The following PLEKHG4B variants were observed in gnomAD, a reference collection of about 807,000 sequenced individuals.
PLEKHG4B encodes pleckstrin homology and RhoGEF domain containing G4B.
In PLEKHG4B, 111 loss-of-function variants were observed where a neutral mutation model predicts 121.3. The ratio of observed to expected loss-of-function variants is 0.92; its 90% confidence interval spans 0.78 to 1.07. The LOEUF (loss-of-function observed/expected upper bound fraction) is 1.07. Ranked by LOEUF, PLEKHG4B falls within the 50% of genes least tolerant of loss-of-function variation. PLEKHG4B has a pLI of 0.00. For missense variants in PLEKHG4B, 1,831 were observed against 1,757.8 expected, an observed-to-expected ratio of 1.04 and a Z score of -0.74; for synonymous variants, 738 against 725.0, an observed-to-expected ratio of 1.02 and a Z score of -0.29.
At chr5:178,859 A>T (rs1047355548) in intron 18 of PLEKHG4B, among the ~76,000 whole-genome samples, 1 of 152,272 alleles carries the variant, frequency 6.6e-6, no homozygotes, top group African/African-American at 2.4e-5. Context: ...CAGTAGTTGC[A>T]TAGAACCTAC....
intron 1 of PLEKHG4B, among the ~76,000 whole-genome samples, chr5:104,456 C>A (rs1733916036): frequency 6.6e-6 from 1 of 152,168 alleles, no homozygotes; most frequent in African/African-American, 2.4e-5. Context: ...AAATACGGAT[C>A]CTTCAAGGAA....
In PLEKHG4B at chr5:137,995, A is replaced by T. The variant is rs1735034009; in HGVS notation, c.244-1488A>T. ...CTTGAACGGCTTGCTCACCGGTGTGAGGAACACGCGCAGACGTTTCTGAAA... is the reference window on the plus strand; with the variant it reads ...CTTGAACGGCTTGCTCACCGGTGTGTGGAACACGCGCAGACGTTTCTGAAA... On this transcript the variant is annotated intron_variant, in intron 2 of 19. Coordinates refer to ENST00000637938, the MANE Select transcript of PLEKHG4B (RefSeq NM_052909.5). The surrounding 1 kb of genome is among the most constrained non-coding windows in gnomAD (Gnocchi z 4.2). 6.6e-6 allele frequency among the ~76,000 whole-genome samples: 1 copy of T among 152,202 alleles called. No individual in the cohort carries two copies.
At chr5:98,369 A>G (rs1273597262) in intron 1 of PLEKHG4B, among the ~76,000 whole-genome samples, 7 of 140,462 alleles carry the variant, frequency 5.0e-5, no homozygotes, top group African/African-American at 1.1e-4. Flanking sequence ...CCAGACCTCA[A>G]TTCTATACCC....
intron 3 of PLEKHG4B, among the ~76,000 whole-genome samples, chr5:141,314 T>C (rs950135344): frequency 3.8e-5 from 5 of 130,870 alleles, no homozygotes; most frequent in East Asian, 2.3e-4. Flanking sequence ...CATGTTCATA[T>C]TGGCGCTCAC....
rs750365057 is a variant in PLEKHG4B, at chr5:143,147, C to T, written c.1578C>T (p.Pro526=). The change falls in exon 4 of 20, where the codon CCC becomes CCT. Residue 526 remains proline (P), a synonymous_variant. Coordinates refer to ENST00000637938, the MANE Select transcript of PLEKHG4B (RefSeq NM_052909.5). The stretch of plus-strand genomic sequence containing the variant: ...ATGTGCCTGCCCGGCAGCCACACCC[C>T]GAGCAAGAAGGGTGGCCACCCGGCA... ...PSDVPARQPH[P]EQEGWPPGTG... 12 of 1,612,564 alleles carry T rather than the reference C, an allele frequency of 7.4e-6. No homozygotes were observed. Among genetic ancestry groups the T allele is most frequent in the Middle Eastern group, 1.6e-4 (1 of 6,062 alleles).
chr5:132,719 T>C (rs1734813971), intron 2 of PLEKHG4B, among the ~76,000 whole-genome samples: 1 of 152,170 alleles, frequency 6.6e-6, no homozygotes, highest in African/African-American at 2.4e-5. Flanking sequence ...TTGGGTGTAT[T>C]TCCGGGTTCT....
At position 143,391 on chromosome 5, in the gene PLEKHG4B, C is replaced by T. The variant is rs530280254; in HGVS notation, c.1699C>T (p.Arg567Cys). 1.1e-4 allele frequency: 179 copies of T among 1,612,570 alleles called. 2 individuals are homozygous for T. The South Asian group carries it at 1.7e-3, about 15-fold the overall frequency. The change falls in exon 5 of 20, where the codon CGT becomes TGT. Residue 567 changes from arginine (R) to cysteine (C), a missense_variant. By Grantham distance (180) the Arg-to-Cys change is radical (BLOSUM62 -3). Coordinates refer to ENST00000637938, the MANE Select transcript of PLEKHG4B (RefSeq NM_052909.5). Reference sequence around the variant, plus strand: ...CTCTGTCTCCGCAGGGACCCGAGACCGTCATGGCAGAGCAGTGGTGCAGGT... The same window carrying T: ...CTCTGTCTCCGCAGGGACCCGAGACTGTCATGGCAGAGCAGTGGTGCAGGT... ...GVVTLPGTRD[R>C]HGRAVVQVRT...
In PLEKHG4B at chr5:161,912, A is replaced by G; in HGVS notation, c.2617A>G (p.Arg873Gly). ...QAECREGELA[R>G]WTRSSELCET... ...TGAGTGCAGGGAGGGAGAGCTGGCC[A>G]GGTGGACCCGCTCGTCCGAGTTGTG... is the stretch of plus-strand genomic sequence containing the variant. The change falls in exon 12 of 20, where the codon AGG becomes GGG. Residue 873 changes from arginine (R) to glycine (G), a missense_variant. Physicochemically the swap from Arg to Gly is moderately radical, Grantham distance 125. Transcript: ENST00000637938. 1 of 1,613,140 alleles carries G rather than the reference A, an allele frequency of 6.2e-7. No homozygotes were observed. Among genetic ancestry groups the G allele is most frequent in the Non-Finnish European group, 8.5e-7 (1 of 1,179,838 alleles).
In PLEKHG4B at chr5:166,264, GGGCTC is replaced by G. The variant is rs1222199836; in HGVS notation, c.3476+2717_3476+2721del. ...CTCACACTAATGCTCTGACGGGGCG[GGGCTC>G]ACACTAATGCTCTGACGGGGCGGGG... On this transcript the variant is annotated intron_variant, in intron 13 of 19. Coordinates refer to ENST00000637938, the MANE Select transcript of PLEKHG4B (RefSeq NM_052909.5). 1.0e-3 allele frequency among the ~76,000 whole-genome samples: 55 copies of G among 53,550 alleles called. 4 individuals carry two copies. The highest frequency in any genetic ancestry group is 2.4e-3 in the South Asian group (2 of 834). 35.1% of individuals were successfully genotyped at this position (53,550 alleles called of 152,430 possible).
At position 156,812 on chromosome 5, in the gene PLEKHG4B, G is replaced by A. The variant is rs1297190402; in HGVS notation, c.2388G>A (p.Val796=). ...CCGCCACAAGCCTGTACGACCGAGT[G>A]GATGAGGAGGTGCACAGGCTGGTCC... ...LEAATSLYDR[V]DEEVHRLVLT... The change falls in exon 11 of 20, where the codon GTG becomes GTA. Residue 796 remains valine, a synonymous_variant. Transcript: ENST00000637938. This position sits in a 1 kb window ranked among gnomAD's most constrained non-coding sequence, Gnocchi z 4.4. 1.3e-6 allele frequency: 2 copies of A among 1,582,494 alleles called. No individual in the cohort carries two copies. The highest frequency in any genetic ancestry group is 1.8e-5 in the Admixed American group (1 of 55,472).
chr5:135,476 T>C (rs538132186), intron 2 of PLEKHG4B, among the ~76,000 whole-genome samples: 4 of 149,250 alleles, frequency 2.7e-5, no homozygotes, highest in South Asian at 2.1e-4. Flanking sequence ...CCATCCTGGC[T>C]AACACAGTGA....
chr5:96,636 G>A (rs1267789556), intron 1 of PLEKHG4B, among the ~76,000 whole-genome samples: 1 of 152,186 alleles, frequency 6.6e-6, no homozygotes, highest in Non-Finnish European at 1.5e-5. Flanking sequence ...TCAGTCTGTA[G>A]GACCACATTG....
chr5:181,307 G>C (rs1032813484), intron 18 of PLEKHG4B, among the ~76,000 whole-genome samples: 1 of 152,042 alleles, frequency 6.6e-6, no homozygotes, highest in Non-Finnish European at 1.5e-5. Context: ...TTACTGCCTC[G>C]GGCTCCCTGG....
chr5:162,414 G>A (rs1190373494), intron 12 of PLEKHG4B, among the ~76,000 whole-genome samples: 1 of 152,234 alleles, frequency 6.6e-6, no homozygotes, highest in African/African-American at 2.4e-5. Context: ...AGAGCCGTCT[G>A]CCCCGTCACG....
chr5:99,170 G>GTATATATATATA (rs534174768), intron 1 of PLEKHG4B, among the ~76,000 whole-genome samples: 21 of 100,490 alleles, frequency 2.1e-4, no homozygotes, highest in African/African-American at 5.5e-4. Flanking sequence ...AAAAAAAAGT[G>GTATATATATATA]TATATATATA....
intron 1 of PLEKHG4B, among the ~76,000 whole-genome samples, chr5:105,380 A>G (rs1487343037): frequency 1.3e-5 from 2 of 152,246 alleles, no homozygotes; most frequent in East Asian, 1.9e-4. Context: ...ACTCCTATTT[A>G]TATTGTTAAA....
intron 12 of PLEKHG4B, 102 bp from the exon 13 acceptor site, chr5:162,620 C>T (rs1736055309): frequency 1.1e-6 from 1 of 876,322 alleles, no homozygotes; most frequent in Non-Finnish European, 1.6e-6. Context: ...TTTCTGGCCC[C>T]CTGGTCCCTG....
At position 187,885 on chromosome 5, in the gene PLEKHG4B, G is replaced by C. The variant is rs546746783; in HGVS notation, c.*5562G>C. 6.6e-6 allele frequency: 1 copy of C among 152,286 alleles called. No homozygotes were observed. The highest frequency in any genetic ancestry group is 6.5e-5 in the Admixed American group (1 of 15,288). 9.4% of individuals were successfully genotyped at this position (152,286 alleles called of 1,614,324 possible). A position where few individuals can be genotyped will look rare whatever the true frequency, so the allele number is the denominator to read the frequency against. ...GGAGGCAGGGGACCCTTGGCCCCAGGGTGGTCGTCTTCCCAGGAGGTCCGC... is the reference window on the plus strand; with the variant it reads ...GGAGGCAGGGGACCCTTGGCCCCAGCGTGGTCGTCTTCCCAGGAGGTCCGC... On this transcript the variant is annotated 3_prime_UTR_variant, in exon 20 of 20. Coordinates refer to ENST00000637938, the MANE Select transcript of PLEKHG4B (RefSeq NM_052909.5).
Position 188,824 on chromosome 5 carries a change from G to A in PLEKHG4B, c.*6501G>A, listed in dbSNP as rs893546951. ...TGGAACCAGAGGCAGGCTCAGCGAT[G>A]CTCTCCATCCGGCCTGGCCCCACCG... On this transcript the variant is annotated 3_prime_UTR_variant, in exon 20 of 20. Coordinates refer to ENST00000637938, the MANE Select transcript of PLEKHG4B (RefSeq NM_052909.5). The A allele has an allele frequency of 1.3e-5, 2 of 152,296 alleles. No homozygotes were observed. Among genetic ancestry groups the A allele is most frequent in the African/African-American group, 4.8e-5 (2 of 41,466 alleles). The allele number at this position is 152,296 out of a possible 1,614,324, so 9.4% of individuals were successfully genotyped here.
Sources: gnomAD v4.1 joint callset for allele counts (sites outside exome capture counted in the v4.1 genomes callset) on GRCh38, gnomAD v4.1.1 for gene constraint, Gnocchi (gnomAD v3.1) non-coding constraint, MANE v1.5 for transcripts, NCBI Gene and HGNC (gene_info 2026-07-23, HGNC 2026-07-21) for gene names.